AGPAT3: variants seen among roughly 807,000 people sequenced by gnomAD.
AGPAT3 encodes 1-acyl-sn-glycerol-3-phosphate acyltransferase gamma.
A neutral mutation model predicts 47.3 loss-of-function variants in AGPAT3; 5 were observed. The ratio of observed to expected loss-of-function variants is 0.11; its 90% CI spans 0.06 to 0.22. AGPAT3 has a LOEUF of 0.22. Ranked by LOEUF, AGPAT3 falls within the 10% of genes least tolerant of loss-of-function variation. AGPAT3 has a pLI of 1.00. For synonymous variants in AGPAT3, 212 were observed against 208.3 expected, an observed-to-expected ratio of 1.02 and a Z score of -0.15; for missense variants, 315 against 493.0, an observed-to-expected ratio of 0.64 and a Z score of 3.42.
intron 1 of AGPAT3, among the ~76,000 whole-genome samples, chr21:43,894,639 T>C (rs1330530201): frequency 6.6e-6 from 1 of 152,240 alleles, no homozygotes; most frequent in Non-Finnish European, 1.5e-5. Flanking sequence ...GTCACCATAC[T>C]GATCTATAAA....
rs1245659444 is a variant in AGPAT3, at chr21:43,933,465, A to G, written c.-48-26169A>G. ...TGCCATCTGTTTTCTCCATGGGGAA[A>G]GGTTTGGGAATATCGATGATGTCAT... On this transcript the variant is annotated intron_variant, in intron 2 of 9. Transcript: ENST00000291572. This position sits in a 1 kb window ranked among gnomAD's most constrained non-coding sequence, Gnocchi z 6.0. 1.3e-5 allele frequency among the ~76,000 whole-genome samples: 2 copies of G among 151,974 alleles called. No homozygotes were observed. The highest frequency in any genetic ancestry group is 4.8e-5 in the African/African-American group (2 of 41,376).
At chr21:43,974,409 A>G (rs1001634030) in intron 7 of AGPAT3, among the ~76,000 whole-genome samples, 21 of 146,508 alleles carry the variant, frequency 1.4e-4, no homozygotes, top group African/African-American at 4.8e-4. Flanking sequence ...GTGTGTGTAA[A>G]TTATATTTGT....
chr21:43,890,050 C>CGTCA (rs1346998854), intron 1 of AGPAT3, among the ~76,000 whole-genome samples: 2 of 150,982 alleles, frequency 1.3e-5, no homozygotes, highest in Non-Finnish European at 3.0e-5. Context: ...TAAAATCTGA[C>CGTCA]ATTTTGGATC....
At chr21:43,873,536 C>T (rs2085669629) in intron 1 of AGPAT3, among the ~76,000 whole-genome samples, 1 of 152,092 alleles carries the variant, frequency 6.6e-6, no homozygotes, top group Non-Finnish European at 1.5e-5. Flanking sequence ...CACCACCACG[C>T]CTGGCTAATT....
At chr21:43,917,807 TGTGTTGTGGGTGTTGTG>T (rs2086769138) in intron 2 of AGPAT3, among the ~76,000 whole-genome samples, 2 of 100,138 alleles carry the variant, frequency 2.0e-5, no homozygotes, top group African/African-American at 1.1e-4. Flanking sequence ...TTGTGGGGGT[TGTGTTGTGGGTGTTGTG>T]GGGGTTGTGG....
chr21:43,979,321 G>GA (rs1177581024), intron 8 of AGPAT3, among the ~76,000 whole-genome samples: 1,726 of 120,104 alleles, frequency 0.014, 45 homozygotes, highest in African/African-American at 0.046. Context: ...AAAAAAGAAA[G>GA]AAAAAAAAAG....
rs1555902161 is a variant in AGPAT3, at chr21:43,920,218, T to TGTGTGA, written c.-49+16201_-49+16206dup. 2.0e-5 allele frequency among the ~76,000 whole-genome samples: 3 copies of TGTGTGA among 151,076 alleles called. No homozygotes were observed. Among genetic ancestry groups the TGTGTGA allele is most frequent in the South Asian group, 2.1e-4 (1 of 4,822 alleles). The stretch of plus-strand genomic sequence containing the variant: ...TCATGTCTTCAGCCCTGTGTGTGTG[T>TGTGTGA]GTGTGAGAGATTGTGAGTGAGTGTG... On this transcript the variant is annotated intron_variant, in intron 2 of 9. Coordinates refer to ENST00000291572, the MANE Select transcript of AGPAT3 (RefSeq NM_020132.5). The surrounding 1 kb of genome is among the most constrained non-coding windows in gnomAD (Gnocchi z 6.1).
chr21:43,875,511 A>G (rs2085714643), intron 1 of AGPAT3, among the ~76,000 whole-genome samples: 1 of 152,178 alleles, frequency 6.6e-6, no homozygotes, highest in Non-Finnish European at 1.5e-5. Flanking sequence ...TCATGTTTTT[A>G]CCTTTCAGTC....
rs17004615 is a variant in AGPAT3, at chr21:43,883,010, G to C, written c.-112+17665G>C. On this transcript the variant is annotated intron_variant, in intron 1 of 9. Transcript: ENST00000291572. ...CCACGCAGGCCTGGAAGGCAGGAGA[G>C]AGCAAGCTTTCTTCTCCTTTATTTG... Among the ~76,000 whole-genome samples the C allele has an allele frequency of 4.5e-3, 686 of 152,394 alleles. 4 individuals carry two copies. Among genetic ancestry groups the C allele is most frequent in the African/African-American group, 0.016 (661 of 41,594 alleles).
At chr21:43,909,358 T>G (rs1334403166) in intron 2 of AGPAT3, among the ~76,000 whole-genome samples, 46 of 149,234 alleles carry the variant, frequency 3.1e-4, no homozygotes, top group Admixed American at 3.1e-3. Context: ...TGTGGTGGCG[T>G]GATCTCGGCT....
intron 1 of AGPAT3, among the ~76,000 whole-genome samples, chr21:43,887,874 A>C (rs1477977801): frequency 6.6e-6 from 1 of 152,064 alleles, no homozygotes. Flanking sequence ...GGCTGGTCTC[A>C]AACTCCTGAG....
intron 2 of AGPAT3, among the ~76,000 whole-genome samples, chr21:43,959,121 G>C (rs1241066186): frequency 1.4e-5 from 2 of 146,668 alleles, no homozygotes; most frequent in African/African-American, 2.5e-5. Context: ...CAGTGTGTGT[G>C]TGTGGCATGT....
intron 1 of AGPAT3, among the ~76,000 whole-genome samples, chr21:43,891,284 A>G (rs2086097759): frequency 6.6e-6 from 1 of 152,214 alleles, no homozygotes; most frequent in African/African-American, 2.4e-5. Flanking sequence ...TGTTCACAGC[A>G]TCTTCACTAG....
chr21:43,867,909 T>A (rs2085543743), intron 1 of AGPAT3, among the ~76,000 whole-genome samples: 1 of 152,192 alleles, frequency 6.6e-6, no homozygotes, highest in South Asian at 2.1e-4. Context: ...AACGGGTCGT[T>A]TCAAGTGGTA....
In AGPAT3 at chr21:43,875,775, T is replaced by G. The variant is rs1267755797; in HGVS notation, c.-112+10430T>G. 3.3e-5 allele frequency among the ~76,000 whole-genome samples: 5 copies of G among 152,188 alleles called. No homozygotes were observed. The East Asian group carries it at 9.7e-4, about 29-fold the overall frequency. On this transcript the variant is annotated intron_variant, in intron 1 of 9. Coordinates refer to ENST00000291572, the MANE Select transcript of AGPAT3 (RefSeq NM_020132.5). ...GGTGCCCACCACCATGCCCGGCTAA[T>G]TTTTGTATTTCTAGTAGAGACGGGG...
In AGPAT3 at chr21:43,954,022, A is replaced by C. The variant is rs2088323760; in HGVS notation, c.-48-5612A>C. ...CTATAAATAAATAGATGAAAAATAA[A>C]AAATAAAAATGTAGACGTCAACTTC... On this transcript the variant is annotated intron_variant, in intron 2 of 9. Coordinates refer to ENST00000291572, the MANE Select transcript of AGPAT3 (RefSeq NM_020132.5). This position sits in a 1 kb window ranked among gnomAD's most constrained non-coding sequence, Gnocchi z 4.0. Among the ~76,000 whole-genome samples the C allele has an allele frequency of 6.6e-6, 1 of 152,256 alleles. No homozygotes were observed. Among genetic ancestry groups the C allele is most frequent in the Admixed American group, 6.5e-5 (1 of 15,282 alleles).
In AGPAT3 at chr21:43,895,409, T is replaced by C. The variant is rs570460623; in HGVS notation, c.-111-8548T>C. ...CAGGTGTGAGCTACTGTGCCCAGCCTGTTATCAGCATTTTACAATGTTCTA... is the reference window on the plus strand; with the variant it reads ...CAGGTGTGAGCTACTGTGCCCAGCCCGTTATCAGCATTTTACAATGTTCTA... On this transcript the variant is annotated intron_variant, in intron 1 of 9. Transcript: ENST00000291572. Among the ~76,000 whole-genome samples, 3 of 152,154 alleles carry C rather than the reference T, an allele frequency of 2.0e-5. No individual in the cohort carries two copies. The East Asian group carries it at 5.8e-4, about 29-fold the overall frequency.
At chr21:43,950,100 AG>A (rs2088118059) in intron 2 of AGPAT3, among the ~76,000 whole-genome samples, 1 of 152,260 alleles carries the variant, frequency 6.6e-6, no homozygotes, top group Non-Finnish European at 1.5e-5. Context: ...CATGTGGGAC[AG>A]AGCTGCCAGT....
At chr21:43,944,962 C>T (rs1477595498) in intron 2 of AGPAT3, among the ~76,000 whole-genome samples, 2 of 152,248 alleles carry the variant, frequency 1.3e-5, no homozygotes, top group African/African-American at 4.8e-5. Context: ...TCAGCTCCGG[C>T]AGGCAAGGGT....
Sources: gnomAD v4.1 joint callset for allele counts (sites outside exome capture counted in the v4.1 genomes callset) on GRCh38, gnomAD v4.1.1 for gene constraint, Gnocchi (gnomAD v3.1) non-coding constraint, MANE v1.5 for transcripts, NCBI Gene and HGNC (gene_info 2026-07-23, HGNC 2026-07-21) for gene names.